Variants in GABRG3 observed in about 807,000 individuals in gnomAD.
GABRG3 encodes gamma-aminobutyric acid type A receptor subunit gamma3, also known as gamma-aminobutyric acid receptor subunit gamma-3.
Under a neutral mutation model 48.8 loss-of-function variants are expected in GABRG3, and 25 were observed. That is an observed-to-expected ratio of 0.51 (90% CI 0.37 to 0.72). The LOEUF (loss-of-function observed/expected upper bound fraction) is 0.72. Ranked by LOEUF, GABRG3 falls within the 30% of genes least tolerant of loss-of-function variation. GABRG3 has a pLI of 0.00. For missense variants in GABRG3, 394 were observed against 577.9 expected, an observed-to-expected ratio of 0.68 and a Z score of 3.26; for synonymous variants, 227 against 217.6, an observed-to-expected ratio of 1.04 and a Z score of -0.38.
intron 5 of GABRG3, among the ~76,000 whole-genome samples, chr15:27,379,457 C>A (rs1309438163): frequency 6.6e-6 from 1 of 152,162 alleles, no homozygotes; most frequent in East Asian, 1.9e-4. Flanking sequence ...TCTGTCAGAT[C>A]AATTAAGAAT....
intron 3 of GABRG3, among the ~76,000 whole-genome samples, chr15:27,182,569 A>G (rs1244591066): frequency 1.3e-5 from 2 of 152,192 alleles, no homozygotes; most frequent in South Asian, 2.1e-4. Context: ...CTCCTGGTCT[A>G]TAAAATGGAG....
At chr15:27,341,562 C>A (rs937098786) in intron 5 of GABRG3, among the ~76,000 whole-genome samples, 1 of 152,044 alleles carries the variant, frequency 6.6e-6, no homozygotes, top group Admixed American at 6.6e-5. Flanking sequence ...ACTTTGAAGT[C>A]CCTGTTTTTT....
intron 7 of GABRG3, among the ~76,000 whole-genome samples, chr15:27,527,217 TTTAATG>T (rs1891299031): frequency 6.6e-6 from 1 of 152,254 alleles, no homozygotes; most frequent in Non-Finnish European, 1.5e-5. Flanking sequence ...ATTCAGGCAC[TTTAATG>T]TTATTGTGAA....
Position 27,057,958 on chromosome 15 carries a change from C to T in GABRG3, c.270+31137C>T, listed in dbSNP as rs139749411. 2.0e-3 allele frequency among the ~76,000 whole-genome samples: 308 copies of T among 152,298 alleles called. 2 individuals carry two copies. Among genetic ancestry groups the T allele is most frequent in the East Asian group, 0.019 (99 of 5,182 alleles). ...CTCTGCAACCGGGCTTCTTACAGGA[C>T]ATGAGTGCATTCTCCATCCACTGGG... On this transcript the variant is annotated intron_variant, in intron 3 of 9. Transcript: ENST00000615808.
intron 3 of GABRG3, among the ~76,000 whole-genome samples, chr15:27,081,162 T>A (rs1032582898): frequency 2.6e-5 from 4 of 152,080 alleles, no homozygotes; most frequent in Admixed American, 6.5e-5. Context: ...AGCCAGTGAG[T>A]GTTGGTTATA....
At chr15:27,096,107 C>G (rs1897262124) in intron 3 of GABRG3, among the ~76,000 whole-genome samples, 1 of 152,240 alleles carries the variant, frequency 6.6e-6, no homozygotes, top group African/African-American at 2.4e-5. Flanking sequence ...CTCATACTAA[C>G]TCATGACAAA....
intron 5 of GABRG3, chr15:27,364,866 A>T (rs979335183): frequency 2.6e-5 from 4 of 152,240 alleles, no homozygotes; most frequent in African/African-American, 7.2e-5. Context: ...CCTATAATAC[A>T]TGGTATTGCT....
chr15:27,074,044 A>T (rs1896869770), intron 3 of GABRG3, among the ~76,000 whole-genome samples: 1 of 152,190 alleles, frequency 6.6e-6, no homozygotes, highest in South Asian at 2.1e-4. Flanking sequence ...CCCATCTTAC[A>T]TGGATGGCAG....
chr15:27,113,249 T>C (rs1303211808), intron 3 of GABRG3, among the ~76,000 whole-genome samples: 1 of 152,184 alleles, frequency 6.6e-6, no homozygotes, highest in Non-Finnish European at 1.5e-5. Flanking sequence ...TATTGTGTAT[T>C]ATTTCCCTGT....
chr15:27,434,156 C>T (rs540055764), intron 5 of GABRG3, among the ~76,000 whole-genome samples: 27 of 152,308 alleles, frequency 1.8e-4, no homozygotes, highest in Admixed American at 1.4e-3. Context: ...TGGAGTGACA[C>T]TATATTCACA....
intron 5 of GABRG3, among the ~76,000 whole-genome samples, chr15:27,478,194 A>C (rs1435320287): frequency 3.9e-5 from 6 of 152,228 alleles, no homozygotes; most frequent in African/African-American, 1.4e-4. Context: ...ACAATAAAAA[A>C]ATTCCAGTCG....
intron 7 of GABRG3, among the ~76,000 whole-genome samples, chr15:27,520,692 T>A (rs1891139933): frequency 7.9e-6 from 1 of 127,254 alleles, no homozygotes; most frequent in Non-Finnish European, 1.6e-5. Flanking sequence ...GTGCAACGTG[T>A]ATTATGTCAG....
chr15:27,142,142 A>C (rs1190619857), intron 3 of GABRG3, among the ~76,000 whole-genome samples: 1 of 152,214 alleles, frequency 6.6e-6, no homozygotes, highest in African/African-American at 2.4e-5. Flanking sequence ...AGTTTAACTC[A>C]TTATATAAAA....
At chr15:27,302,928 G>A (rs1398011961) in intron 3 of GABRG3, among the ~76,000 whole-genome samples, 2 of 151,720 alleles carry the variant, frequency 1.3e-5, no homozygotes, top group African/African-American at 2.4e-5. Flanking sequence ...TTTGAAATGA[G>A]TAAAAATAAA....
At chr15:27,398,934 G>A (rs569110850) in intron 5 of GABRG3, among the ~76,000 whole-genome samples, 1 of 152,104 alleles carries the variant, frequency 6.6e-6, no homozygotes, top group South Asian at 2.1e-4. Context: ...AATAGCAAGT[G>A]CAGGGCATGC....
chr15:27,269,651 A>G (rs1891020959), intron 3 of GABRG3, among the ~76,000 whole-genome samples: 1 of 152,144 alleles, frequency 6.6e-6, no homozygotes, highest in Non-Finnish European at 1.5e-5. Context: ...CAGCATTTAT[A>G]TTTCATCTTT....
chr15:27,458,197 G>C (rs572532352), intron 5 of GABRG3, among the ~76,000 whole-genome samples: 1 of 152,290 alleles, frequency 6.6e-6, no homozygotes, highest in Admixed American at 6.5e-5. Flanking sequence ...GATAAGTGCG[G>C]CCACCAAAAG....
intron 5 of GABRG3, among the ~76,000 whole-genome samples, chr15:27,339,389 T>A (rs182946026): frequency 2.7e-4 from 41 of 152,344 alleles, no homozygotes; most frequent in Non-Finnish European, 5.6e-4. Flanking sequence ...GGAACCAGGC[T>A]TCCCATCAAG....
At chr15:26,989,253 A>C (rs1895204588) in intron 2 of GABRG3, among the ~76,000 whole-genome samples, 1 of 152,166 alleles carries the variant, frequency 6.6e-6, no homozygotes, top group South Asian at 2.1e-4. Flanking sequence ...TCTTATTCTT[A>C]GTTGCCAAAT....
Sources: gnomAD v4.1 joint callset for allele counts (sites outside exome capture counted in the v4.1 genomes callset) on GRCh38, gnomAD v4.1.1 for gene constraint, MANE v1.5 for transcripts, NCBI Gene and HGNC (gene_info 2026-07-23, HGNC 2026-07-21) for gene names.